Variants in PIK3CD observed in about 807,000 individuals in gnomAD.
PIK3CD encodes the protein phosphatidylinositol 4,5-bisphosphate 3-kinase catalytic subunit delta isoform.
PIK3CD carries 20 observed loss-of-function variants against 122.9 expected under a neutral mutation model. The observed-to-expected ratio is 0.16, with a 90% CI of 0.11 to 0.24. The LOEUF (loss-of-function observed/expected upper bound fraction) is 0.24. Ranked by LOEUF, PIK3CD falls within the 10% of genes least tolerant of loss-of-function variation. The probability of loss-of-function intolerance (pLI) is 1.00; values close to 1 mark genes in which losing one functional copy is unlikely to be tolerated. For synonymous variants in PIK3CD, 596 were observed against 593.4 expected (o/e 1.00, Z -0.06); for missense variants, 787 against 1,406.3 (o/e 0.56, Z 7.04).
At position 9,718,033 on chromosome 1, in the gene PIK3CD, T is replaced by C. The variant is rs141475701; in HGVS notation, c.1020+407T>C. ...GCAGCCTGTGAGGGCTGCACCTGCC[T>C]CAACCTCTAGGGGCTGAGCCCACCT... On this transcript the variant is annotated intron_variant, in intron 8 of 23. Coordinates refer to ENST00000377346, the MANE Select transcript of PIK3CD (RefSeq NM_005026.5). The surrounding 1 kb of genome is among the most constrained non-coding windows in gnomAD (Gnocchi z 7.2). 601 of 476,396 alleles carry C rather than the reference T, an allele frequency of 1.3e-3. No homozygotes were observed. Among genetic ancestry groups the C allele is most frequent in the Non-Finnish European group, 2.0e-3 (473 of 241,332 alleles). 29.5% of individuals were successfully genotyped at this position (476,396 alleles called of 1,614,324 possible).
At chr1:9,663,950 A>C (rs940997217) in intron 1 of PIK3CD, among the ~76,000 whole-genome samples, 2 of 151,642 alleles carry the variant, frequency 1.3e-5, no homozygotes, top group Non-Finnish European at 2.9e-5. Flanking sequence ...TCCATGGTGT[A>C]TATGTGCCAC....
chr1:9,630,486 G>A, the PIK3CD span, among the ~76,000 whole-genome samples: 2 of 152,220 alleles, frequency 1.3e-5, no homozygotes, highest in Non-Finnish European at 2.9e-5. Context: ...CCCTCTGGGT[G>A]CCAGACACAG....
chr1:9,629,922 G>A, the PIK3CD span, among the ~76,000 whole-genome samples: 14 of 152,264 alleles, frequency 9.2e-5, no homozygotes, highest in African/African-American at 3.4e-4. Context: ...TGGGGTGAGG[G>A]GGGAGTGGGG....
intron 2 of PIK3CD, among the ~76,000 whole-genome samples, chr1:9,699,600 CTTT>C (rs113698547): frequency 4.8e-5 from 7 of 145,746 alleles, no homozygotes; most frequent in African/African-American, 1.5e-4. Flanking sequence ...TTTGTACTTT[CTTT>C]TTTTTTTTTT....
Position 9,710,679 on chromosome 1 carries a change from AGACAGATG to A in PIK3CD, c.141+89_141+96del, listed in dbSNP as rs1408475375. The A allele has an allele frequency of 1.1e-5, 16 of 1,489,754 alleles. No homozygotes were observed. The highest frequency in any genetic ancestry group is 1.5e-5 in the Non-Finnish European group (16 of 1,069,980). The allele number at this position is 1,489,754 out of a possible 1,614,324, so 92.3% of individuals were successfully genotyped here. A position where few individuals can be genotyped will look rare whatever the true frequency, so the allele number is the denominator to read the frequency against. ...GACACAGATAGACAGACAGACAGAC[AGACAGATG>A]GACAGGTGGACAGACGGACAGACAG... On this transcript the variant is annotated intron_variant, in intron 3 of 23. Transcript: ENST00000377346. This position sits in a 1 kb window ranked among gnomAD's most constrained non-coding sequence, Gnocchi z 4.7.
At chr1:9,638,398 C>T in the PIK3CD span, among the ~76,000 whole-genome samples, 252 of 152,140 alleles carry the variant, frequency 1.7e-3, 1 homozygote, top group African/African-American at 5.6e-3. Flanking sequence ...TGTCACCCCT[C>T]CCTGCAGAAC....
rs1647020959 is a variant in PIK3CD, at chr1:9,710,832, C to G, written c.141+236C>G. On this transcript the variant is annotated intron_variant, in intron 3 of 23. Transcript: ENST00000377346. The surrounding 1 kb of genome is among the most constrained non-coding windows in gnomAD (Gnocchi z 4.7). ...CGGAGTTTCGCTCTTATTGCCCAGG[C>G]TGGTGTGCAATGGCGCAATCTCGGC... is the stretch of plus-strand genomic sequence containing the variant. Among the ~76,000 whole-genome samples, 1 of 152,180 alleles carries G rather than the reference C, an allele frequency of 6.6e-6. No homozygotes were observed. Among genetic ancestry groups the G allele is most frequent in the Non-Finnish European group, 1.5e-5 (1 of 68,036 alleles).
chr1:9,702,553 T>C (rs1646685943), intron 2 of PIK3CD, among the ~76,000 whole-genome samples: 1 of 133,854 alleles, frequency 7.5e-6, no homozygotes, highest in African/African-American at 2.8e-5. Context: ...AGAGTTTTGC[T>C]CTTGCTGCCC....
At chr1:9,674,217 G>C (rs1645427874) in intron 1 of PIK3CD, among the ~76,000 whole-genome samples, 1 of 152,234 alleles carries the variant, frequency 6.6e-6, no homozygotes, top group South Asian at 2.1e-4. Context: ...ATCAGGTAAA[G>C]TTTCTTTTCC....
At chr1:9,682,045 G>C (rs927400845) in intron 1 of PIK3CD, among the ~76,000 whole-genome samples, 1 of 152,104 alleles carries the variant, frequency 6.6e-6, no homozygotes, top group Non-Finnish European at 1.5e-5. Flanking sequence ...TGATCTTGTT[G>C]CCTCAGCCTC....
At chr1:9,709,542 A>C (rs1242977388) in intron 2 of PIK3CD, among the ~76,000 whole-genome samples, 1 of 152,008 alleles carries the variant, frequency 6.6e-6, no homozygotes, top group Non-Finnish European at 1.5e-5. Flanking sequence ...CTGTCTCTAC[A>C]AAAAATTAAA....
At chr1:9,699,237 G>A (rs187413075) in intron 2 of PIK3CD, among the ~76,000 whole-genome samples, 1 of 152,120 alleles carries the variant, frequency 6.6e-6, no homozygotes, top group Non-Finnish European at 1.5e-5. Flanking sequence ...AGAGTAGGCT[G>A]CTGGGATGAG....
chr1:9,712,487 G>A (rs1647095421), intron 3 of PIK3CD, among the ~76,000 whole-genome samples: 1 of 152,020 alleles, frequency 6.6e-6, no homozygotes, highest in Non-Finnish European at 1.5e-5. Context: ...CACCATGTTG[G>A]CCAGGCTGGT....
At position 9,710,512 on chromosome 1, in the gene PIK3CD, C is replaced by A. The variant is rs376606452; in HGVS notation, c.57C>A (p.Ser19Arg). ...TCTGGACCAAGGAGGAGAATCAGAGCGTTGTGGTTGACTTCCTGCTGCCCA... is the reference window on the plus strand; with the variant it reads ...TCTGGACCAAGGAGGAGAATCAGAGAGTTGTGGTTGACTTCCTGCTGCCCA... Reference protein sequence around the residue: ...MEFWTKEENQSVVVDFLLPTG... With the variant: ...MEFWTKEENQRVVVDFLLPTG... The change falls in exon 3 of 24, where the codon AGC becomes AGA. Residue 19 changes from serine to arginine, a missense_variant. Ser to Arg is a moderately radical substitution (Grantham distance 110). Transcript: ENST00000377346. The surrounding 1 kb of genome is among the most constrained non-coding windows in gnomAD (Gnocchi z 4.7). The A allele has an allele frequency of 6.2e-7, 1 of 1,613,958 alleles. No individual in the cohort carries two copies. Among genetic ancestry groups the A allele is most frequent in the Non-Finnish European group, 8.5e-7 (1 of 1,179,960 alleles).
At position 9,715,467 on chromosome 1, in the gene PIK3CD, T is replaced by C; in HGVS notation, c.142-74T>C. 1.5e-6 allele frequency: 2 copies of C among 1,368,620 alleles called. No homozygotes were observed. The highest frequency in any genetic ancestry group is 2.1e-6 in the Non-Finnish European group (2 of 970,416). 84.8% of individuals were successfully genotyped at this position (1,368,620 alleles called of 1,614,324 possible). ...GGACCCCCAGGCTGGAGGCCAGCTC[T>C]CCACCCTCCCTCAGCCTCCCACCTC... On this transcript the variant is annotated intron_variant, in intron 3 of 23. Transcript: ENST00000377346. This position sits in a 1 kb window ranked among gnomAD's most constrained non-coding sequence, Gnocchi z 4.1.
intron 1 of PIK3CD, among the ~76,000 whole-genome samples, chr1:9,679,975 C>T (rs368746434): frequency 1.2e-4 from 18 of 151,960 alleles, no homozygotes; most frequent in East Asian, 7.7e-4. Flanking sequence ...CAGGCGCCCA[C>T]CACCACACCG....
chr1:9,702,961 A>G (rs1187050499), intron 2 of PIK3CD, among the ~76,000 whole-genome samples: 3 of 152,182 alleles, frequency 2.0e-5, no homozygotes, highest in African/African-American at 7.2e-5. Flanking sequence ...GGCTGATGAG[A>G]CTGAAGAGTC....
At chr1:9,692,921 G>C (rs1168917093) in intron 2 of PIK3CD, among the ~76,000 whole-genome samples, 1 of 152,120 alleles carries the variant, frequency 6.6e-6, no homozygotes, top group African/African-American at 2.4e-5. Context: ...ATAAGCAAAA[G>C]CCATAGATCA....
At chr1:9,684,205 C>T (rs1645876701) in intron 1 of PIK3CD, among the ~76,000 whole-genome samples, 1 of 152,098 alleles carries the variant, frequency 6.6e-6, no homozygotes, top group African/African-American at 2.4e-5. Context: ...TCCCTGCAAC[C>T]ACGAGCCACA....
Sources: gnomAD v4.1 joint callset for allele counts (sites outside exome capture counted in the v4.1 genomes callset) on GRCh38, gnomAD v4.1.1 for gene constraint, Gnocchi (gnomAD v3.1) non-coding constraint, MANE v1.5 for transcripts, NCBI Gene and HGNC (gene_info 2026-07-23, HGNC 2026-07-21) for gene names.